The following SELENOO variants were observed in gnomAD, a reference collection of about 807,000 sequenced individuals.
The protein encoded by SELENOO is protein adenylyltransferase SelO, mitochondrial.
In SELENOO, 74 loss-of-function variants were observed where a neutral mutation model predicts 58.7. The ratio of observed to expected loss-of-function variants is 1.26; its 90% CI spans 1.04 to 1.53. The LOEUF is 1.53. SELENOO is among the 40% of genes most tolerant of loss of function. The pLI is 0.00. For synonymous variants in SELENOO, 543 were observed against 453.2 expected, an observed-to-expected ratio of 1.20 and a Z score of -2.52; for missense variants, 1,149 against 970.0, an observed-to-expected ratio of 1.18 and a Z score of -2.45.
chr22:50,217,234 C>T lies in SELENOO; in HGVS notation c.1875C>T (p.Thr625=). Reference sequence around the variant, plus strand: ...GGCGGGTGCTGAAACTACTGGAGACCCCTTACCACTGCGAGGCGGGGGCCG... The same window carrying T: ...GGCGGGTGCTGAAACTACTGGAGACTCCTTACCACTGCGAGGCGGGGGCCG... ...EVRRVLKLLE[T]PYHCEAGAAT... The change falls in exon 9 of 9, where the codon ACC becomes ACT. Residue 625 remains threonine, a synonymous_variant. Transcript: ENST00000380903. 2 of 1,611,914 alleles carry T rather than the reference C, an allele frequency of 1.2e-6. No individual in the cohort carries two copies.
intron 5 of SELENOO, among the ~76,000 whole-genome samples, chr22:50,213,659 G>GT (rs1337249479): frequency 2.6e-5 from 4 of 151,824 alleles, no homozygotes; most frequent in Non-Finnish European, 4.4e-5. Flanking sequence ...TGGTTTTTTT[G>GT]TTTTTTGAGA....
At position 50,203,686 on chromosome 22, in the gene SELENOO, T is replaced by C. The variant is rs143842499; in HGVS notation, c.554+2096T>C. Among the ~76,000 whole-genome samples the C allele has an allele frequency of 2.6e-3, 390 of 152,332 alleles. 4 individuals are homozygous for C. The highest frequency in any genetic ancestry group is 9.0e-3 in the African/African-American group (373 of 41,564). Reference sequence around the variant, plus strand: ...CATGCAAAAGAATGAAGCTGGGTCCTTAACTACACCATGAACGAAGTTAAG... The same window carrying C: ...CATGCAAAAGAATGAAGCTGGGTCCCTAACTACACCATGAACGAAGTTAAG... On this transcript the variant is annotated intron_variant, in intron 1 of 8. Transcript: ENST00000380903.
rs546294472 is a variant in SELENOO, at chr22:50,210,453, G to T, written c.1070+142G>T. 25 of 1,359,300 alleles carry T rather than the reference G, an allele frequency of 1.8e-5. No individual in the cohort carries two copies. In the African/African-American group the frequency reaches 3.2e-4, roughly 17 times the overall value. The allele number at this position is 1,359,300 out of a possible 1,614,324, so 84.2% of individuals were successfully genotyped here. ...TGGGGGCTGATGTAGGAAGTAGAGA[G>T]TCCAGGGCAATCCCGGAGGCCTTGG... On this transcript the variant is annotated intron_variant, in intron 4 of 8. Transcript: ENST00000380903.
chr22:50,208,422 C>T, intron 2 of SELENOO, 114 bp from the exon 3 acceptor site: 2 of 897,934 alleles, frequency 2.2e-6, no homozygotes, highest in Non-Finnish European at 3.2e-6. Context: ...AAGAGTGAGA[C>T]TCCATCTCAA....
intron 4 of SELENOO, 124 bp from the exon 5 acceptor site, chr22:50,210,507 G>A (rs2064361817): frequency 1.4e-6 from 2 of 1,447,044 alleles, no homozygotes; most frequent in African/African-American, 1.4e-5. Flanking sequence ...GGACCCCTGT[G>A]GGACAGGGCC....
At position 50,217,528 on chromosome 22, in the gene SELENOO, A is replaced by G; in HGVS notation, c.*159A>G. The stretch of plus-strand genomic sequence containing the variant: ...GGCAGAGACATCCAGTCAGGACCTG[A>G]CCCGTCTCTGTCTGAGGCCGGCTCA... On this transcript the variant is annotated 3_prime_UTR_variant, in exon 9 of 9. Coordinates refer to ENST00000380903, the MANE Select transcript of SELENOO (RefSeq NM_031454.2). 1 of 1,067,432 alleles carries G rather than the reference A, an allele frequency of 9.4e-7. No individual in the cohort carries two copies. The highest frequency in any genetic ancestry group is 1.3e-6 in the Non-Finnish European group (1 of 748,618). 66.1% of individuals were successfully genotyped at this position (1,067,432 alleles called of 1,614,324 possible).
rs117539518 is a variant in SELENOO at position 50,215,757 on chromosome 22, C to T, written c.1392C>T (p.Phe464=). 0.011 allele frequency: 18,035 copies of T among 1,610,718 alleles called. 139 individuals are homozygous for T. Among genetic ancestry groups the T allele is most frequent in the Non-Finnish European group, 0.012 (14,619 of 1,177,870 alleles). The change falls in exon 6 of 9, where the codon TTC becomes TTT. Residue 464 remains phenylalanine (F), a synonymous_variant. Coordinates refer to ENST00000380903, the MANE Select transcript of SELENOO (RefSeq NM_031454.2). The stretch of plus-strand genomic sequence containing the variant: ...ACACCTTCTACTTGCTGAGCTCCTT[C>T]CCAGTGGAGCTAGAGTCGCCAGGCC... ...FTNTFYLLSS[F]PVELESPGLA... is the part of the protein sequence containing the mutation.
intron 1 of SELENOO, 159 bp from the exon 2 acceptor site, chr22:50,206,158 G>A (rs1282555470): frequency 1.3e-5 from 8 of 630,910 alleles, no homozygotes; most frequent in South Asian, 1.9e-5. Context: ...GGTGTTGGAG[G>A]CTCACAAGGC....
rs189588704 is a variant in SELENOO, at chr22:50,206,438, G to A, written c.676G>A (p.Val226Met). Residue 226 changes from valine to methionine, a missense_variant, in exon 2 of 9, where the codon GTG (valine) becomes ATG (methionine). By Grantham distance (21) the Val-to-Met change is conservative. Transcript: ENST00000380903. Reference sequence around the variant, plus strand: ...CGCCTGCGTCACGTCCGAGTCCACGGTGGTGCGCGACGTGTTCTATGATGG... The same window carrying A: ...CGCCTGCGTCACGTCCGAGTCCACGATGGTGCGCGACGTGTTCTATGATGG... Reference protein sequence around the residue: ...AGACVTSESTVVRDVFYDGNP... With the variant: ...AGACVTSESTMVRDVFYDGNP... The A allele has an allele frequency of 6.2e-7, 1 of 1,614,230 alleles. No individual in the cohort carries two copies. The highest frequency in any genetic ancestry group is 2.2e-5 in the East Asian group (1 of 44,888).
chr22:50,216,936 C>T (rs1320939649), intron 7 of SELENOO, 36 bp from the exon 8 acceptor site: 3 of 1,603,642 alleles, frequency 1.9e-6, no homozygotes, highest in Non-Finnish European at 2.6e-6. Context: ...AAAAGTCCAG[C>T]CCGGCTGTGA....
In SELENOO at chr22:50,217,532, GTC is replaced by G. The variant is rs1217490554; in HGVS notation, c.*167_*168del. 4.8e-5 allele frequency: 51 copies of G among 1,054,646 alleles called. No individual in the cohort carries two copies. Among genetic ancestry groups the G allele is most frequent in the Non-Finnish European group, 6.4e-5 (47 of 737,160 alleles). 65.3% of individuals were successfully genotyped at this position (1,054,646 alleles called of 1,614,324 possible). A position where few individuals can be genotyped will look rare whatever the true frequency, so the allele number is the denominator to read the frequency against. ...GAGACATCCAGTCAGGACCTGACCC[GTC>G]TCTGTCTGAGGCCGGCTCAGCAGTG... On this transcript the variant is annotated 3_prime_UTR_variant, in exon 9 of 9. Transcript: ENST00000380903.
chr22:50,202,771 T>C (rs2064311297), intron 1 of SELENOO, among the ~76,000 whole-genome samples: 1 of 152,216 alleles, frequency 6.6e-6, no homozygotes, highest in African/African-American at 2.4e-5. Flanking sequence ...CTCCTAAAAA[T>C]TAAGGAGTCC....
Position 50,201,533 on chromosome 22 carries a change from C to T in SELENOO, c.497C>T (p.Ala166Val), listed in dbSNP as rs552098697. 31 of 1,416,450 alleles carry T rather than the reference C, an allele frequency of 2.2e-5. 1 individual carries two copies. The South Asian group carries it at 2.9e-4, about 13-fold the overall frequency. 87.7% of individuals were successfully genotyped at this position (1,416,450 alleles called of 1,614,324 possible). A position where few individuals can be genotyped will look rare whatever the true frequency, so the allele number is the denominator to read the frequency against. Reference protein sequence around the residue: ...AAMYLGEVCTATGERWELQLK... With the variant: ...AAMYLGEVCTVTGERWELQLK... ...ATGTACCTGGGCGAGGTGTGCACGG[C>T]GACCGGCGAGCGCTGGGAGCTGCAG... is the stretch of plus-strand genomic sequence containing the variant. The change falls in exon 1 of 9, where the codon GCG becomes GTG. Residue 166 changes from alanine (A) to valine (V), a missense_variant. By Grantham distance (64) the Ala-to-Val change is moderately conservative. Coordinates refer to ENST00000380903, the MANE Select transcript of SELENOO (RefSeq NM_031454.2).
In SELENOO at chr22:50,210,175, C is replaced by A. The variant is rs1342476647; in HGVS notation, c.940-6C>A. 6 of 1,612,406 alleles carry A rather than the reference C, an allele frequency of 3.7e-6. No individual in the cohort carries two copies. The East Asian group carries it at 1.3e-4, about 36-fold the overall frequency. On this transcript the variant is annotated splice_region_variant and splice_polypyrimidine_tract_variant and intron_variant, in intron 3 of 8. Coordinates refer to ENST00000380903, the MANE Select transcript of SELENOO (RefSeq NM_031454.2). ...AGGAGGGAGCAAGCACACTGTCCCA[C>A]CCCAGGTGACGCGGCGCACGGCGCG...
intron 1 of SELENOO, among the ~76,000 whole-genome samples, chr22:50,203,467 CA>C (rs2064314861): frequency 6.6e-6 from 1 of 152,138 alleles, no homozygotes; most frequent in African/African-American, 2.4e-5. Flanking sequence ...TTCCTGATTT[CA>C]AAACTTACTA....
Position 50,216,604 on chromosome 22 carries a change from A to G in SELENOO, c.1503-87A>G, listed in dbSNP as rs1011239308. ...GCCCTTGGACTCTAGGTGAGCCGTG[A>G]GAGCGGGCTGGGGCAGGCGGAGCAG... On this transcript the variant is annotated intron_variant, in intron 6 of 8. Coordinates refer to ENST00000380903, the MANE Select transcript of SELENOO (RefSeq NM_031454.2). 32 of 1,280,544 alleles carry G rather than the reference A, an allele frequency of 2.5e-5. 1 individual carries two copies. In the Admixed American group the frequency reaches 3.2e-4, roughly 13 times the overall value. 79.3% of individuals were successfully genotyped at this position (1,280,544 alleles called of 1,614,324 possible).
At chr22:50,215,047 CGACT>C (rs2064395977) in intron 5 of SELENOO, among the ~76,000 whole-genome samples, 1 of 152,126 alleles carries the variant, frequency 6.6e-6, no homozygotes, top group Non-Finnish European at 1.5e-5. Flanking sequence ...TGTGTGTAGT[CGACT>C]TTTTTGCAGT....
intron 3 of SELENOO, chr22:50,209,579 TCA>T (rs1414043883): frequency 6.5e-6 from 1 of 152,714 alleles, no homozygotes; most frequent in African/African-American, 2.4e-5. Context: ...CCTCTGAGCC[TCA>T]GTCTTCTGCC....
chr22:50,206,338 C>T lies in SELENOO; in HGVS notation c.576C>T (p.Val192=), dbSNP rs2064332609. Residue 192 remains valine (V), a synonymous_variant, in exon 2 of 9, where the codon GTC becomes GTT. Transcript: ENST00000380903. ...TCAGACAGGCCGACGGTCGCAAGGT[C>T]CTACGGTCAAGCATCCGGGAGTTTC... ...PFSRQADGRK[V]LRSSIREFLC... The T allele has an allele frequency of 6.2e-7, 1 of 1,613,834 alleles. No homozygotes were observed. The highest frequency in any genetic ancestry group is 1.3e-5 in the African/African-American group (1 of 74,914).
Sources: gnomAD v4.1 joint callset for allele counts (sites outside exome capture counted in the v4.1 genomes callset) on GRCh38, gnomAD v4.1.1 for gene constraint, MANE v1.5 for transcripts, NCBI Gene and HGNC (gene_info 2026-07-23, HGNC 2026-07-21) for gene names.